C12orf42: variants seen among roughly 807,000 people sequenced by gnomAD.
C12orf42 encodes uncharacterized protein C12orf42.
In C12orf42, 25 loss-of-function variants were observed where a neutral mutation model predicts 21.6. The observed-to-expected ratio is 1.16, with a 90% CI of 0.84 to 1.62. C12orf42 has a LOEUF of 1.62. Among genes scored for constraint, C12orf42 ranks in the 40% most tolerant of loss-of-function variants. The pLI is 0.00. For synonymous variants in C12orf42, 174 were observed against 175.0 expected, an observed-to-expected ratio of 0.99 and a Z score of 0.05; for missense variants, 483 against 459.3, an observed-to-expected ratio of 1.05 and a Z score of -0.47.
chr12:103,321,898 G>T (rs1027226406), intron 4 of C12orf42, among the ~76,000 whole-genome samples: 12 of 152,002 alleles, frequency 7.9e-5, no homozygotes, highest in Non-Finnish European at 1.3e-4. Context: ...ATAGCATTGG[G>T]AGATATACCT....
chr12:103,488,673 T>A (rs1470601089), intron 1 of C12orf42, among the ~76,000 whole-genome samples: 1 of 152,212 alleles, frequency 6.6e-6, no homozygotes, highest in Non-Finnish European at 1.5e-5. Flanking sequence ...TTCTCTAAGC[T>A]TGTCTTCTCG....
At position 103,239,827 on chromosome 12, in the gene C12orf42, C is replaced by T. The variant is rs148960892; in HGVS notation, c.*1367-1925G>A. Among the ~76,000 whole-genome samples, 1,100 of 152,238 alleles carry T rather than the reference C, an allele frequency of 7.2e-3. 4 individuals carry two copies. The highest frequency in any genetic ancestry group is 0.012 in the Non-Finnish European group (785 of 68,004). On this transcript the variant is annotated intron_variant and NMD_transcript_variant, in intron 10 of 10. Transcript: ENST00000547347. Reference sequence around the variant, plus strand: ...GAGATACTGAAGATGCAGATGGTGACGGCTTTATTATCAGAAGGGAGGAAG... The same window carrying T: ...GAGATACTGAAGATGCAGATGGTGATGGCTTTATTATCAGAAGGGAGGAAG...
At chr12:103,521,803 T>A in the C12orf42 span, among the ~76,000 whole-genome samples, 2 of 152,184 alleles carry the variant, frequency 1.3e-5, no homozygotes, top group Non-Finnish European at 2.9e-5. Flanking sequence ...ATAAACATTT[T>A]CCCCTCTCCC....
the C12orf42 span, among the ~76,000 whole-genome samples, chr12:103,549,265 CTTTTTA>C: frequency 4.4e-3 from 667 of 152,158 alleles, 8 homozygotes; most frequent in African/African-American, 0.01. Flanking sequence ...TTTTTCTCAA[CTTTTTA>C]TTTTTAAACA....
At chr12:103,221,765 G>A in the C12orf42 span, among the ~76,000 whole-genome samples, 55 of 152,254 alleles carry the variant, frequency 3.6e-4, no homozygotes, top group African/African-American at 5.5e-4. Context: ...CATTTATAAC[G>A]TGAGGAGAGT....
At chr12:103,148,459 A>T in the C12orf42 span, among the ~76,000 whole-genome samples, 26 of 151,946 alleles carry the variant, frequency 1.7e-4, no homozygotes, top group Non-Finnish European at 2.9e-5. Context: ...CACTATACTG[A>T]TCTTTTTTGA....
At chr12:103,328,385 G>GA (rs372600266) in intron 4 of C12orf42, among the ~76,000 whole-genome samples, 28 of 146,594 alleles carry the variant, frequency 1.9e-4, no homozygotes, top group East Asian at 7.9e-4. Flanking sequence ...GATGTTACTT[G>GA]AAAAAAAAAA....
the C12orf42 span, among the ~76,000 whole-genome samples, chr12:103,156,515 C>A: frequency 6.6e-6 from 1 of 151,842 alleles, no homozygotes; most frequent in Admixed American, 6.6e-5. Flanking sequence ...GAATTTTTTT[C>A]TTCTAAAAAA....
At chr12:103,315,458 T>A (rs60158693) in intron 4 of C12orf42, among the ~76,000 whole-genome samples, 1,559 of 152,248 alleles carry the variant, frequency 0.01, 17 homozygotes, top group African/African-American at 0.036. Context: ...TCATCTGTAG[T>A]TTGGAAATGG....
At chr12:103,487,341 C>A (rs978844430) in intron 1 of C12orf42, among the ~76,000 whole-genome samples, 1 of 152,172 alleles carries the variant, frequency 6.6e-6, no homozygotes, top group Admixed American at 6.5e-5. Flanking sequence ...GATTTCTGTT[C>A]TTTTACATTT....
chr12:103,456,958 G>A (rs1952338696), intron 2 of C12orf42, among the ~76,000 whole-genome samples: 1 of 151,944 alleles, frequency 6.6e-6, no homozygotes, highest in Admixed American at 6.6e-5. Context: ...TTTTCATCAG[G>A]ATCATGAAGA....
chr12:103,185,149 T>A, the C12orf42 span, among the ~76,000 whole-genome samples: 2 of 151,788 alleles, frequency 1.3e-5, no homozygotes, highest in Non-Finnish European at 2.9e-5. Flanking sequence ...CAATAAAGAG[T>A]GCATTCATAA....
At chr12:103,231,341 T>A in the C12orf42 span, among the ~76,000 whole-genome samples, 1 of 152,176 alleles carries the variant, frequency 6.6e-6, no homozygotes, top group African/African-American at 2.4e-5. Flanking sequence ...TATATTAGGG[T>A]TCACCCTCGG....
chr12:103,375,518 T>C (rs1377074067), intron 3 of C12orf42, among the ~76,000 whole-genome samples: 1 of 152,170 alleles, frequency 6.6e-6, no homozygotes, highest in Admixed American at 6.5e-5. Flanking sequence ...TAAAGGAATG[T>C]GCAGAAAGCA....
the C12orf42 span, among the ~76,000 whole-genome samples, chr12:103,072,291 T>C: frequency 6.6e-6 from 1 of 152,134 alleles, no homozygotes; most frequent in Non-Finnish European, 1.5e-5. Flanking sequence ...TTTGTGAGAA[T>C]TAAATAATAA....
At chr12:103,288,806 C>CA (rs1181727051) in intron 4 of C12orf42, among the ~76,000 whole-genome samples, 27 of 152,000 alleles carry the variant, frequency 1.8e-4, no homozygotes, top group Non-Finnish European at 2.5e-4. Flanking sequence ...TTTTTATTAG[C>CA]AAAAAACACA....
the C12orf42 span, among the ~76,000 whole-genome samples, chr12:103,540,215 T>G: frequency 6.6e-6 from 1 of 151,138 alleles, no homozygotes; most frequent in Admixed American, 6.6e-5. Flanking sequence ...ACCATGTTGG[T>G]CAGGCTGTTC....
At chr12:103,496,309 T>C (rs964553531), upstream of C12orf42, among the ~76,000 whole-genome samples, 1 of 152,148 alleles carries the variant, frequency 6.6e-6, no homozygotes, top group Non-Finnish European at 1.5e-5. Flanking sequence ...CTGCCTCGAA[T>C]TGTAAACCAT....
At chr12:103,316,826 A>T (rs1566067248) in intron 4 of C12orf42, among the ~76,000 whole-genome samples, 1 of 151,914 alleles carries the variant, frequency 6.6e-6, no homozygotes, top group African/African-American at 2.4e-5. Flanking sequence ...AAAAAAAAAA[A>T]GAATGAATGA....
Sources: allele counts gnomAD v4.1 joint callset (sites outside exome capture counted in the v4.1 genomes callset), GRCh38; gene constraint gnomAD v4.1.1; transcripts MANE v1.5; gene names NCBI Gene and HGNC (gene_info 2026-07-23, HGNC 2026-07-21).